The following ACVR2A variants were observed in gnomAD, a reference collection of about 807,000 sequenced individuals.
ACVR2A encodes activin receptor type-2A.
Under a neutral mutation model 61.4 loss-of-function variants are expected in ACVR2A, and 7 were observed. That is an observed-to-expected ratio of 0.11 (90% CI 0.06 to 0.21). The LOEUF is 0.21. Ranked by LOEUF, ACVR2A falls within the 10% of genes least tolerant of loss-of-function variation. The probability of loss-of-function intolerance (pLI) is 1.00; values close to 1 mark genes in which losing one functional copy is unlikely to be tolerated. For synonymous variants in ACVR2A, 193 were observed against 208.3 expected, an observed-to-expected ratio of 0.93 and a Z score of 0.63; for missense variants, 322 against 621.7, an observed-to-expected ratio of 0.52 and a Z score of 5.13.
intron 1 of ACVR2A, among the ~76,000 whole-genome samples, chr2:147,845,436 AG>A (rs1444835005): frequency 1.4e-5 from 2 of 144,864 alleles, no homozygotes; most frequent in East Asian, 4.1e-4. Flanking sequence ...AGCTGATAAG[AG>A]TGAGTGCTGT....
At chr2:147,856,750 A>T (rs1004787826) in intron 1 of ACVR2A, among the ~76,000 whole-genome samples, 1 of 152,200 alleles carries the variant, frequency 6.6e-6, no homozygotes, top group African/African-American at 2.4e-5. Flanking sequence ...GGGCATTCAA[A>T]GTAGAATAAA....
At chr2:147,849,252 A>G (rs577152349) in intron 1 of ACVR2A, among the ~76,000 whole-genome samples, 2 of 152,294 alleles carry the variant, frequency 1.3e-5, no homozygotes, top group Admixed American at 6.5e-5. Flanking sequence ...TTTCTTTGCC[A>G]TGATATGATC....
chr2:147,899,862 C>G lies in ACVR2A; in HGVS notation c.492C>G (p.His164Gln). ...GTGCATTTTGGGTGTACAGGCATCA[C>G]AAGATGGCCTACCCTCCTGTACTTG... ...VICAFWVYRHHKMAYPPVLVP... is the reference protein window; with the variant it reads ...VICAFWVYRHQKMAYPPVLVP... Residue 164 changes from histidine (H) to glutamine (Q), a missense_variant, in exon 4 of 11, where the codon CAC becomes CAG. His to Gln is a conservative substitution (Grantham distance 24). Transcript: ENST00000241416. 6.2e-7 allele frequency: 1 copy of G among 1,613,686 alleles called. No homozygotes were observed. The highest frequency in any genetic ancestry group is 1.1e-5 in the South Asian group (1 of 91,064).
intron 1 of ACVR2A, among the ~76,000 whole-genome samples, chr2:147,895,081 A>G: frequency 6.6e-6 from 1 of 152,306 alleles, no homozygotes; most frequent in East Asian, 1.9e-4. Context: ...CATAAAATAT[A>G]TGTACAAACC....
At chr2:147,844,583 C>T (rs1685248965), upstream of ACVR2A, 1 of 152,126 alleles carries the variant, frequency 6.6e-6, no homozygotes. Context: ...CAGAACTTGG[C>T]CGCCGCCTGC....
At chr2:147,891,225 C>T (rs1686574841) in intron 1 of ACVR2A, among the ~76,000 whole-genome samples, 1 of 152,112 alleles carries the variant, frequency 6.6e-6, no homozygotes, top group Non-Finnish European at 1.5e-5. Context: ...GGCACTTTTG[C>T]TCTAGGCAGT....
At chr2:147,888,312 C>T (rs1429059844) in intron 1 of ACVR2A, among the ~76,000 whole-genome samples, 1 of 152,124 alleles carries the variant, frequency 6.6e-6, no homozygotes, top group African/African-American at 2.4e-5. Context: ...TACTTGTTTA[C>T]AGTGAAACTT....
At chr2:147,899,263 AT>A (rs1417307087) in intron 2 of ACVR2A, 194 bp from the exon 3 acceptor site, 39 of 408,296 alleles carry the variant, frequency 9.6e-5, no homozygotes, top group South Asian at 1.9e-4. Context: ...TCAGTTGTTA[AT>A]TTTTTTTTCT....
At chr2:147,864,220 T>C (rs1323514141) in intron 1 of ACVR2A, among the ~76,000 whole-genome samples, 1 of 152,058 alleles carries the variant, frequency 6.6e-6, no homozygotes, top group African/African-American at 2.4e-5. Context: ...ACCTCAACTT[T>C]CTGTTACTAT....
At position 147,917,264 on chromosome 2, in the gene ACVR2A, T is replaced by C. The variant is rs1461533142; in HGVS notation, c.673-19T>C. 1 of 1,609,086 alleles carries C rather than the reference T, an allele frequency of 6.2e-7. No individual in the cohort carries two copies. Among genetic ancestry groups the C allele is most frequent in the Admixed American group, 1.7e-5 (1 of 59,586 alleles). ...CCTGTATTCCTTGTGTTCTTACTATTCTTTCTTTTTGACTCTAGGACAAAC... is the reference window on the plus strand; with the variant it reads ...CCTGTATTCCTTGTGTTCTTACTATCCTTTCTTTTTGACTCTAGGACAAAC... On this transcript the variant is annotated intron_variant, in intron 5 of 10. Coordinates refer to ENST00000241416, the MANE Select transcript of ACVR2A (RefSeq NM_001616.5).
At chr2:147,895,257 TTAAC>T (rs137975031) in intron 1 of ACVR2A, among the ~76,000 whole-genome samples, 1,914 of 152,276 alleles carry the variant, frequency 0.013, 46 homozygotes, top group African/African-American at 0.044. Context: ...TTGCATAAAA[TTAAC>T]TATAGTACAT....
At chr2:147,889,186 A>G (rs1686517442) in intron 1 of ACVR2A, among the ~76,000 whole-genome samples, 1 of 152,126 alleles carries the variant, frequency 6.6e-6, no homozygotes, top group Admixed American at 6.5e-5. Context: ...ATACTTTTAA[A>G]AAATATATTG....
At chr2:147,913,776 A>G (rs1307777327) in intron 4 of ACVR2A, among the ~76,000 whole-genome samples, 1 of 148,434 alleles carries the variant, frequency 6.7e-6, no homozygotes, top group African/African-American at 2.5e-5. Context: ...CTAAACAGAA[A>G]CGTTCTTTCA....
At chr2:147,885,213 C>T (rs1464743092) in intron 1 of ACVR2A, among the ~76,000 whole-genome samples, 1 of 151,816 alleles carries the variant, frequency 6.6e-6, no homozygotes, top group Non-Finnish European at 1.5e-5. Context: ...AAAGTTTTCT[C>T]TAAAAAAAAA....
At chr2:147,869,388 C>G (rs1256750062) in intron 1 of ACVR2A, among the ~76,000 whole-genome samples, 1 of 152,038 alleles carries the variant, frequency 6.6e-6, no homozygotes, top group Non-Finnish European at 1.5e-5. Flanking sequence ...AGCCAATAAT[C>G]TAGTTTATGA....
intron 1 of ACVR2A, among the ~76,000 whole-genome samples, chr2:147,878,592 G>A (rs903919496): frequency 3.3e-5 from 5 of 152,020 alleles, no homozygotes; most frequent in Non-Finnish European, 7.4e-5. Flanking sequence ...AGTGACTTAG[G>A]GATTTTTAGA....
At chr2:147,873,424 C>T (rs1234670136) in intron 1 of ACVR2A, among the ~76,000 whole-genome samples, 1 of 151,670 alleles carries the variant, frequency 6.6e-6, no homozygotes, top group Non-Finnish European at 1.5e-5. Flanking sequence ...TTTTGAAATC[C>T]AGTGTGTATC....
At chr2:147,906,220 C>T (rs1224561893) in intron 4 of ACVR2A, among the ~76,000 whole-genome samples, 2 of 151,768 alleles carry the variant, frequency 1.3e-5, no homozygotes, top group African/African-American at 2.4e-5. Context: ...AAATGAAAAA[C>T]GTCCCATTGT....
chr2:147,848,082 T>A (rs1041413112), intron 1 of ACVR2A, among the ~76,000 whole-genome samples: 1 of 152,206 alleles, frequency 6.6e-6, no homozygotes, highest in African/African-American at 2.4e-5. Flanking sequence ...ACTGTGTATG[T>A]GTGAATGTAT....
Sources: allele counts gnomAD v4.1 joint callset (sites outside exome capture counted in the v4.1 genomes callset), GRCh38; gene constraint gnomAD v4.1.1; transcripts MANE v1.5; gene names NCBI Gene and HGNC (gene_info 2026-07-23, HGNC 2026-07-21).